FYCO1: variants seen among roughly 807,000 people sequenced by gnomAD.
The protein encoded by FYCO1 is FYVE and coiled-coil domain-containing protein 1.
Under a neutral mutation model 165.1 loss-of-function variants are expected in FYCO1, and 122 were observed. The ratio of observed to expected loss-of-function variants is 0.74; its 90% CI spans 0.64 to 0.86. FYCO1 has a LOEUF of 0.86. Ranked by LOEUF, FYCO1 falls within the 40% of genes least tolerant of loss-of-function variation. FYCO1 has a pLI of 0.00. For missense variants in FYCO1, 1,702 were observed against 1,810.3 expected (o/e 0.94, Z 1.09); for synonymous variants, 648 against 742.5 (o/e 0.87, Z 2.07).
Position 45,955,322 on chromosome 3 carries a change from T to A in FYCO1, c.3871A>T (p.Ile1291Leu). 2.5e-6 allele frequency: 4 copies of A among 1,614,184 alleles called. No individual in the cohort carries two copies. The highest frequency in any genetic ancestry group is 3.4e-6 in the Non-Finnish European group (4 of 1,180,014). ...GGCAAAGAGGAGCCGGACTCCTGTA[T>A]CTGGCACAATTCCTCATCTGTGATG... ...DIITDEELCQ[I>L]QESGSSLPET... Residue 1291 changes from isoleucine to leucine, a missense_variant, in exon 14 of 18, where the codon ATA becomes TTA. Physicochemically the swap from Ile to Leu is conservative, Grantham distance 5. Transcript: ENST00000296137.
chr3:45,962,198 C>T lies in FYCO1; in HGVS notation c.3437+27G>A. 1 of 1,613,262 alleles carries T rather than the reference C, an allele frequency of 6.2e-7. No individual in the cohort carries two copies. Among genetic ancestry groups the T allele is most frequent in the Non-Finnish European group, 8.5e-7 (1 of 1,179,194 alleles). On this transcript the variant is annotated intron_variant, in intron 11 of 17. Coordinates refer to ENST00000296137, the MANE Select transcript of FYCO1 (RefSeq NM_024513.4). This position sits in a 1 kb window ranked among gnomAD's most constrained non-coding sequence, Gnocchi z 4.4. ...AAAAACCCCAGTGTGGGGAAAACCC[C>T]AGCTGCTGGTTTGACACAGCACTCA...
chr3:45,968,854 C>T (rs1706265879), intron 7 of FYCO1, 151 bp from the exon 8 acceptor site: 2 of 956,504 alleles, frequency 2.1e-6, no homozygotes, highest in East Asian at 2.6e-5. Context: ...GACTAGAATC[C>T]CTTTGCTCAA....
In FYCO1 at chr3:45,918,412, GGTAA is replaced by G. The variant is rs1274733486; in HGVS notation, c.*3349_*3352del. 16 of 152,064 alleles carry G rather than the reference GGTAA, an allele frequency of 1.1e-4. No homozygotes were observed. The highest frequency in any genetic ancestry group is 9.2e-4 in the Admixed American group (14 of 15,294). 9.4% of individuals were successfully genotyped at this position (152,064 alleles called of 1,614,324 possible). ...AAGTTCCCCTACAAAGTGCTTTCTTGGTAAGTGTTTTGTAAACAAGAATGGCCGT... is the reference window on the plus strand; with the variant it reads ...AAGTTCCCCTACAAAGTGCTTTCTTGGTGTTTTGTAAACAAGAATGGCCGT... On this transcript the variant is annotated 3_prime_UTR_variant, in exon 18 of 18. Transcript: ENST00000296137.
chr3:45,989,457 T>C (rs901555533), intron 1 of FYCO1, among the ~76,000 whole-genome samples: 20 of 152,190 alleles, frequency 1.3e-4, no homozygotes, highest in Admixed American at 1.2e-3. Flanking sequence ...AGACTGCCCT[T>C]CCCAGAGCTT....
chr3:45,982,480 C>G (rs763795722), intron 2 of FYCO1, among the ~76,000 whole-genome samples: 1 of 152,158 alleles, frequency 6.6e-6, no homozygotes, highest in Non-Finnish European at 1.5e-5. Context: ...AACTCCAGAG[C>G]TCACCTCTTA....
chr3:45,966,557 A>G lies in FYCO1; in HGVS notation c.2777T>C (p.Leu926Pro). The G allele has an allele frequency of 6.2e-7, 1 of 1,614,184 alleles. No homozygotes were observed. Among genetic ancestry groups the G allele is most frequent in the Non-Finnish European group, 8.5e-7 (1 of 1,180,034 alleles). The change falls in exon 8 of 18, where the codon CTG becomes CCG. Residue 926 changes from leucine to proline, a missense_variant. Coordinates refer to ENST00000296137, the MANE Select transcript of FYCO1 (RefSeq NM_024513.4). ...TVEKERVEEA[L>P]ACAVQELQDA... ...CTGGAGCTCCTGGACAGCACAGGCCAGTGCCTCCTCCACTCGCTCCTTTTC... is the reference window on the plus strand; with the variant it reads ...CTGGAGCTCCTGGACAGCACAGGCCGGTGCCTCCTCCACTCGCTCCTTTTC...
At chr3:45,925,208 G>T (rs1433579910) in intron 16 of FYCO1, among the ~76,000 whole-genome samples, 1 of 150,148 alleles carries the variant, frequency 6.7e-6, no homozygotes, top group Non-Finnish European at 1.5e-5. Flanking sequence ...GATTACAGGC[G>T]TGAGCCACGG....
chr3:45,940,537 G>A (rs1261843070), intron 14 of FYCO1, among the ~76,000 whole-genome samples: 3 of 152,102 alleles, frequency 2.0e-5, no homozygotes, highest in African/African-American at 2.4e-5. Context: ...CCATGCCTGC[G>A]GACAGCCTGC....
At chr3:45,929,623 G>C (rs184229615) in intron 16 of FYCO1, among the ~76,000 whole-genome samples, 2 of 152,150 alleles carry the variant, frequency 1.3e-5, no homozygotes, top group African/African-American at 4.8e-5. Flanking sequence ...CCTCCTGGGT[G>C]GGGGCTCAGA....
In FYCO1 at chr3:45,921,070, C is replaced by T. The variant is rs1169055302; in HGVS notation, c.*695G>A. The T allele has an allele frequency of 1.9e-5, 3 of 159,518 alleles. No individual in the cohort carries two copies. The highest frequency in any genetic ancestry group is 7.2e-5 in the African/African-American group (3 of 41,462). The allele number at this position is 159,518 out of a possible 1,614,324, so 9.9% of individuals were successfully genotyped here. ...TGCTTTGAGCTGTGGAGAGGTCTGG[C>T]TGAGTGAAGGGCTTTATTTGAGGAC... On this transcript the variant is annotated 3_prime_UTR_variant, in exon 18 of 18. Coordinates refer to ENST00000296137, the MANE Select transcript of FYCO1 (RefSeq NM_024513.4).
Position 45,921,688 on chromosome 3 carries a change from T to A in FYCO1, c.*77A>T. 1 of 1,062,212 alleles carries A rather than the reference T, an allele frequency of 9.4e-7. No individual in the cohort carries two copies. 65.8% of individuals were successfully genotyped at this position (1,062,212 alleles called of 1,614,324 possible). On this transcript the variant is annotated 3_prime_UTR_variant, in exon 18 of 18. Coordinates refer to ENST00000296137, the MANE Select transcript of FYCO1 (RefSeq NM_024513.4). Reference sequence around the variant, plus strand: ...GATGATTTTGGAGCAGCTGACTTTTTAAAAAAATGCTTTATGTGACAGGTG... The same window carrying A: ...GATGATTTTGGAGCAGCTGACTTTTAAAAAAAATGCTTTATGTGACAGGTG...
At chr3:45,936,356 C>T (rs1051112146) in intron 15 of FYCO1, 92 bp downstream of exon 15, 42 of 818,494 alleles carry the variant, frequency 5.1e-5, no homozygotes, top group South Asian at 4.7e-4. Context: ...AAGTTAGAGC[C>T]CCCGAGGTGG....
intron 14 of FYCO1, chr3:45,947,483 G>T (rs147792992): frequency 3.4e-5 from 55 of 1,613,876 alleles, no homozygotes; most frequent in Non-Finnish European, 4.5e-5. Context: ...CCCACAATGT[G>T]GAGGCCACCA....
intron 16 of FYCO1, among the ~76,000 whole-genome samples, chr3:45,927,675 T>G (rs1703387577): frequency 6.6e-6 from 1 of 152,338 alleles, no homozygotes; most frequent in East Asian, 1.9e-4. Context: ...TATCACATTC[T>G]AGTTCCACCA....
intron 4 of FYCO1, among the ~76,000 whole-genome samples, 165 bp from the exon 5 acceptor site, chr3:45,975,510 C>G (rs1293789601): frequency 6.6e-6 from 1 of 152,230 alleles, no homozygotes; most frequent in Non-Finnish European, 1.5e-5. Flanking sequence ...GATACTCTTA[C>G]CGCAGAGAGT....
At chr3:45,991,906 C>A (rs79174309) in intron 1 of FYCO1, among the ~76,000 whole-genome samples, 2,772 of 152,246 alleles carry the variant, frequency 0.018, 45 homozygotes, top group Middle Eastern at 0.068. Flanking sequence ...GGGCCCAAAT[C>A]CAATTGGAAC....
intron 15 of FYCO1, among the ~76,000 whole-genome samples, chr3:45,932,098 A>T (rs1703663799): frequency 6.6e-6 from 1 of 152,214 alleles, no homozygotes; most frequent in South Asian, 2.1e-4. Flanking sequence ...AAACAAGGAC[A>T]ACCACACCTG....
At chr3:45,921,868 G>C in intron 17 of FYCO1, 28 bp from the exon 18 acceptor site, 1 of 1,499,326 alleles carries the variant, frequency 6.7e-7, no homozygotes, top group African/African-American at 1.4e-5. Flanking sequence ...GAAAGGGAGG[G>C]TGTTACCTGA....
chr3:45,969,107 C>T (rs1224616582), intron 7 of FYCO1, among the ~76,000 whole-genome samples: 3 of 152,208 alleles, frequency 2.0e-5, no homozygotes, highest in Non-Finnish European at 2.9e-5. Context: ...CTATTTTCTA[C>T]TCTTAATGCT....
Sources: gnomAD v4.1 joint callset for allele counts (sites outside exome capture counted in the v4.1 genomes callset) on GRCh38, gnomAD v4.1.1 for gene constraint, Gnocchi (gnomAD v3.1) non-coding constraint, MANE v1.5 for transcripts, NCBI Gene and HGNC (gene_info 2026-07-23, HGNC 2026-07-21) for gene names.